The following TXNDC11 variants were observed in gnomAD, a reference collection of about 807,000 sequenced individuals.
The protein encoded by TXNDC11 is thioredoxin domain-containing protein 11.
Under a neutral mutation model 78.0 loss-of-function variants are expected in TXNDC11, and 68 were observed. The observed-to-expected ratio is 0.87, with a 90% confidence interval of 0.72 to 1.07. The LOEUF is 1.07. Among genes scored for constraint, TXNDC11 ranks in the 50% least tolerant of loss-of-function variants. The pLI, the probability that TXNDC11 is intolerant of heterozygous loss-of-function variation, is 0.00. For synonymous variants in TXNDC11, 571 were observed against 495.2 expected (o/e 1.15, Z -2.03); for missense variants, 1,389 against 1,221.8 (o/e 1.14, Z -2.04).
rs556514360 is a variant in TXNDC11 at position 11,726,046 on chromosome 16, T to G, written c.700-4376A>C. Among the ~76,000 whole-genome samples, 54 of 152,140 alleles carry G rather than the reference T, an allele frequency of 3.5e-4. 1 individual carries two copies. The highest frequency in any genetic ancestry group is 1.3e-3 in the African/African-American group (53 of 41,540). On this transcript the variant is annotated intron_variant, in intron 4 of 11. Transcript: ENST00000283033. ...GCATGTGCCACCATGCTTGGCTAAT[T>G]TTTAACATTTTGTTATAGACACAGG...
At chr16:11,706,698 C>T (rs1019533469) in intron 5 of TXNDC11, among the ~76,000 whole-genome samples, 1 of 152,180 alleles carries the variant, frequency 6.6e-6, no homozygotes, top group Non-Finnish European at 1.5e-5. Flanking sequence ...GCCTCCCGTG[C>T]ACCGCTGTCA....
At chr16:11,681,723 T>A (rs1376102078) in intron 11 of TXNDC11, among the ~76,000 whole-genome samples, 1 of 152,306 alleles carries the variant, frequency 6.6e-6, no homozygotes, top group African/African-American at 2.4e-5. Context: ...TTTTGCAATG[T>A]CACACAGAGT....
At chr16:11,692,769 G>A (rs1196083684) in intron 7 of TXNDC11, among the ~76,000 whole-genome samples, 4 of 152,060 alleles carry the variant, frequency 2.6e-5, no homozygotes, top group Admixed American at 2.0e-4. Flanking sequence ...GGCACTCCTG[G>A]GCCAAATGGT....
chr16:11,720,696 C>T (rs898862319), intron 5 of TXNDC11, among the ~76,000 whole-genome samples: 1 of 150,474 alleles, frequency 6.6e-6, no homozygotes, highest in African/African-American at 2.5e-5. Context: ...GGATTACAGG[C>T]GTGAGCCACC....
intron 11 of TXNDC11, among the ~76,000 whole-genome samples, chr16:11,681,494 G>A (rs1256217798): frequency 6.6e-6 from 1 of 152,234 alleles, no homozygotes; most frequent in African/African-American, 2.4e-5. Flanking sequence ...CAGGGACAGA[G>A]AATGTCAACA....
intron 5 of TXNDC11, among the ~76,000 whole-genome samples, chr16:11,703,233 A>C (rs1019628504): frequency 6.6e-5 from 10 of 152,236 alleles, no homozygotes; most frequent in East Asian, 3.8e-4. Flanking sequence ...ACTGGAAAAC[A>C]GTATCTTGAC....
chr16:11,679,505 C>T lies in TXNDC11; in HGVS notation c.2567G>A (p.Ser856Asn). 5 of 1,613,498 alleles carry T rather than the reference C, an allele frequency of 3.1e-6. No homozygotes were observed. The highest frequency in any genetic ancestry group is 4.2e-6 in the Non-Finnish European group (5 of 1,180,034). Residue 856 changes from serine (S) to asparagine (N), a missense_variant, in exon 12 of 12, where the codon AGT becomes AAT. Transcript: ENST00000283033. The surrounding 1 kb of genome is among the most constrained non-coding windows in gnomAD (Gnocchi z 4.6). ...EEQHSLLHAH[S>N]EQLQALYEQK... ...CTCATAGAGGGCCTGCAGCTGCTCA[C>T]TGTGTGCGTGGAGCAGGCTGTGCTG...
chr16:11,683,910 C>G (rs1366839052), intron 11 of TXNDC11, among the ~76,000 whole-genome samples: 1 of 152,018 alleles, frequency 6.6e-6, no homozygotes, highest in African/African-American at 2.4e-5. Context: ...GTCACCATGC[C>G]TGGCTAATTT....
chr16:11,742,445 C>G (rs1463972711), intron 1 of TXNDC11, 32 bp downstream of exon 1: 1 of 1,380,978 alleles, frequency 7.2e-7, no homozygotes, highest in Admixed American at 3.7e-5. Flanking sequence ...GGGGAGCGCC[C>G]TAGCGGGGCC....
rs554470587 is a variant in TXNDC11, at chr16:11,717,687, G to A, written c.793+3890C>T. ...ATACAAAAAATAAGCTGGGCGTGGT[G>A]GCAGGCGCCTGTAATCCCAGCTACT... On this transcript the variant is annotated intron_variant, in intron 5 of 11. Transcript: ENST00000283033. Among the ~76,000 whole-genome samples, 4 of 151,036 alleles carry A rather than the reference G, an allele frequency of 2.6e-5. No individual in the cohort carries two copies. In the East Asian group the frequency reaches 8.0e-4, roughly 30 times the overall value.
In TXNDC11 at chr16:11,742,748, C is replaced by G. The variant is rs777878827; in HGVS notation, c.-18G>C. The G allele has an allele frequency of 7.6e-6, 11 of 1,444,898 alleles. No homozygotes were observed. The East Asian group carries it at 2.8e-4, about 36-fold the overall frequency. 89.5% of individuals were successfully genotyped at this position (1,444,898 alleles called of 1,614,324 possible). On this transcript the variant is annotated 5_prime_UTR_variant, in exon 1 of 12. Coordinates refer to ENST00000283033, the MANE Select transcript of TXNDC11 (RefSeq NM_015914.7). ...TCCGACATTACATGCTCCCAGTCGC[C>G]GGCTTTATACCGCCGCCGCCGCCTC...
At chr16:11,713,850 GA>G (rs564232827) in intron 5 of TXNDC11, among the ~76,000 whole-genome samples, 2 of 149,106 alleles carry the variant, frequency 1.3e-5, no homozygotes, top group African/African-American at 4.9e-5. Context: ...AATTACCCAA[GA>G]AAAAAAAACG....
At chr16:11,711,520 A>G (rs1369840000) in intron 5 of TXNDC11, among the ~76,000 whole-genome samples, 2 of 152,186 alleles carry the variant, frequency 1.3e-5, no homozygotes, top group Non-Finnish European at 1.5e-5. Context: ...CTTCAAAGCC[A>G]GTGACAACTA....
At chr16:11,709,596 G>A (rs966850473) in intron 5 of TXNDC11, among the ~76,000 whole-genome samples, 15 of 151,434 alleles carry the variant, frequency 9.9e-5, no homozygotes, top group African/African-American at 3.1e-4. Context: ...TACCATGCCC[G>A]GCTAATTTTT....
chr16:11,729,977 G>C (rs1021515221), intron 4 of TXNDC11, among the ~76,000 whole-genome samples: 1 of 152,060 alleles, frequency 6.6e-6, no homozygotes, highest in Non-Finnish European at 1.5e-5. Context: ...GCCTGTTATT[G>C]CAACTACTTG....
intron 5 of TXNDC11, among the ~76,000 whole-genome samples, chr16:11,707,069 T>C (rs532679185): frequency 2.2e-4 from 33 of 152,324 alleles, no homozygotes; most frequent in African/African-American, 7.7e-4. Context: ...CCCCAATCTA[T>C]ACCAAGGGAA....
intron 1 of TXNDC11, among the ~76,000 whole-genome samples, chr16:11,737,338 G>A (rs887899629): frequency 2.0e-5 from 3 of 151,674 alleles, no homozygotes; most frequent in African/African-American, 7.3e-5. Context: ...CCAGCTTCTC[G>A]GGAAGCTGAG....
In TXNDC11 at chr16:11,742,650, G is replaced by C. The variant is rs764992054; in HGVS notation, c.81C>G (p.Pro27=). The change falls in exon 1 of 12, where the codon CCC becomes CCG. Residue 27 remains proline, a synonymous_variant. Coordinates refer to ENST00000283033, the MANE Select transcript of TXNDC11 (RefSeq NM_015914.7). ...AEDEGGGGGG[P]AGSDCLSSSP... is the part of the protein sequence containing the mutation. ...TCGAGCTGAGGCAGTCTGAGCCCGC[G>C]GGGCCGCCGCCGCCCCCTCCCTCGT... The C allele has an allele frequency of 3.8e-5, 55 of 1,461,198 alleles. No individual in the cohort carries two copies. The highest frequency in any genetic ancestry group is 4.0e-5 in the Non-Finnish European group (45 of 1,112,386). 90.5% of individuals were successfully genotyped at this position (1,461,198 alleles called of 1,614,324 possible).
At chr16:11,696,208 C>T (rs1374122926) in intron 7 of TXNDC11, among the ~76,000 whole-genome samples, 3 of 152,116 alleles carry the variant, frequency 2.0e-5, no homozygotes, top group African/African-American at 4.8e-5. Flanking sequence ...ACTCCCGTCC[C>T]TCATGTCTCT....
Sources: gnomAD v4.1 joint callset for allele counts (sites outside exome capture counted in the v4.1 genomes callset) on GRCh38, gnomAD v4.1.1 for gene constraint, Gnocchi (gnomAD v3.1) non-coding constraint, MANE v1.5 for transcripts, NCBI Gene and HGNC (gene_info 2026-07-23, HGNC 2026-07-21) for gene names.